Variants in PIEZO1 observed in about 807,000 individuals in gnomAD.
PIEZO1 encodes piezo type mechanosensitive ion channel component 1 (Er blood group).
A neutral mutation model predicts 297.2 loss-of-function variants in PIEZO1; 296 were observed. The observed-to-expected ratio is 1.00, with a 90% CI of 0.91 to 1.10. The LOEUF (loss-of-function observed/expected upper bound fraction) is 1.10. PIEZO1 is among the 50% of genes least tolerant of loss of function. The pLI, the probability that PIEZO1 is intolerant of heterozygous loss-of-function variation, is 0.00. For missense variants in PIEZO1, 5,018 were observed against 3,455.5 expected (o/e 1.45, Z -11.34); for synonymous variants, 2,427 against 1,507.5 (o/e 1.61, Z -14.13).
At chr16:88,771,403 C>T (rs1256185713) in intron 1 of PIEZO1, among the ~76,000 whole-genome samples, 2 of 152,194 alleles carry the variant, frequency 1.3e-5, no homozygotes, top group African/African-American at 2.4e-5. Flanking sequence ...GAAACCAGGC[C>T]AGGCGGGGCT....
intron 1 of PIEZO1, among the ~76,000 whole-genome samples, chr16:88,751,552 C>A (rs1423709706): frequency 1.3e-5 from 2 of 152,248 alleles, no homozygotes; most frequent in African/African-American, 4.8e-5. Flanking sequence ...GCAGCCTCCC[C>A]CAGCTCCCCC....
intron 22 of PIEZO1, among the ~76,000 whole-genome samples, chr16:88,728,538 G>A (rs1904617654): frequency 7.7e-6 from 1 of 129,740 alleles, no homozygotes; most frequent in Non-Finnish European, 1.6e-5. Flanking sequence ...TGCCACAGAG[G>A]GAACCTCGCG....
chr16:88,719,881 G>T lies in PIEZO1; in HGVS notation c.6244C>A (p.Arg2082Ser). The T allele has an allele frequency of 6.4e-7, 1 of 1,550,532 alleles. No homozygotes were observed. The highest frequency in any genetic ancestry group is 1.2e-5 in the South Asian group (1 of 84,066). Residue 2082 changes from arginine (R) to serine (S), a missense_variant, in exon 43 of 51, where the codon CGC (arginine) becomes AGC (serine). Transcript: ENST00000301015. ...IYFALSAYQIRCGYPTRILGN... is the reference protein window; with the variant it reads ...IYFALSAYQISCGYPTRILGN... Reference sequence around the variant, plus strand: ...AGGATGCGGGTGGGGTAGCCGCAGCGGATCTGGTAGGCGGACAGGGCGAAG... The same window carrying T: ...AGGATGCGGGTGGGGTAGCCGCAGCTGATCTGGTAGGCGGACAGGGCGAAG...
intron 1 of PIEZO1, among the ~76,000 whole-genome samples, chr16:88,754,665 G>A: frequency 6.6e-6 from 1 of 152,246 alleles, no homozygotes; most frequent in East Asian, 1.9e-4. Flanking sequence ...CTCCCTCCAG[G>A]AGCCACACAG....
Position 88,723,883 on chromosome 16 carries a change from CTG to C in PIEZO1, c.4321_4322del (p.Gln1441GlufsTer83). ...TCTCCCACCTCACCTGGAAGGCACT[CTG>C]TGCCGACGGCCTCGGGTCTTCAGGA... ...AVPEDPRPSAQSAFQLAYQAW... is the reference protein window; with the variant it reads ...AVPEDPRPSAXSAFQLAYQAW... On this transcript the variant is annotated frameshift_variant, in exon 31 of 51. Transcript: ENST00000301015. LOFTEE classifies it high-confidence loss of function. The C allele has an allele frequency of 6.5e-7, 1 of 1,537,818 alleles. No homozygotes were observed. The highest frequency in any genetic ancestry group is 8.8e-7 in the Non-Finnish European group (1 of 1,135,446).
intron 23 of PIEZO1, 143 bp from the exon 24 acceptor site, chr16:88,727,335 T>TGTCC (rs1904521354): frequency 3.0e-6 from 3 of 999,410 alleles, no homozygotes; most frequent in Non-Finnish European, 2.9e-6. Flanking sequence ...AGTGGCCGGG[T>TGTCC]GTCCCTGGGG....
Position 88,719,663 on chromosome 16 carries a change from C to A in PIEZO1, c.6382G>T (p.Asp2128Tyr). ...CAGCTGGACAGGGACAGCGTGGTGT[C>A]CGTCCACACCCAGTCCATCACTGCC... ...LRAVMDWVWT[D>Y]TTLSLSSWMC... The change falls in exon 44 of 51, where the codon GAC becomes TAC. Residue 2128 changes from aspartate (D) to tyrosine (Y), a missense_variant. Transcript: ENST00000301015. 1 of 1,553,876 alleles carries A rather than the reference C, an allele frequency of 6.4e-7. No individual in the cohort carries two copies. The highest frequency in any genetic ancestry group is 8.7e-7 in the Non-Finnish European group (1 of 1,148,920).
At chr16:88,783,472 C>G (rs1908027113) in intron 1 of PIEZO1, among the ~76,000 whole-genome samples, 1 of 152,236 alleles carries the variant, frequency 6.6e-6, no homozygotes, top group African/African-American at 2.4e-5. Flanking sequence ...ACACCCGCTC[C>G]CACTCAGACA....
chr16:88,720,265 C>T lies in PIEZO1; in HGVS notation c.5968G>A (p.Asp1990Asn), dbSNP rs1387123798. Residue 1990 changes from aspartate to asparagine, a missense_variant, in exon 42 of 51, where the codon GAC becomes AAC. Asp to Asn is a conservative substitution (Grantham distance 23). Coordinates refer to ENST00000301015, the MANE Select transcript of PIEZO1 (RefSeq NM_001142864.4). The stretch of plus-strand genomic sequence containing the variant: ...TCGTCTGATAGGGAGGACGTGATGT[C>T]TGTGGCCGCCGAGTGCTTCTGTGGC... ...WAFGKHSAAT[D>N]ITSSLSDDQV... 2 of 1,550,466 alleles carry T rather than the reference C, an allele frequency of 1.3e-6. No individual in the cohort carries two copies. The highest frequency in any genetic ancestry group is 2.4e-5 in the South Asian group (2 of 84,062).
At chr16:88,771,998 C>A (rs1305779771) in intron 1 of PIEZO1, among the ~76,000 whole-genome samples, 8 of 40,350 alleles carry the variant, frequency 2.0e-4, no homozygotes, top group African/African-American at 1.7e-3. Flanking sequence ...AGACTCTATG[C>A]CCATCCACCC....
chr16:88,767,591 G>A (rs562151527), intron 1 of PIEZO1, among the ~76,000 whole-genome samples: 22 of 152,092 alleles, frequency 1.4e-4, no homozygotes, highest in Non-Finnish European at 1.2e-4. Flanking sequence ...TCATACACTT[G>A]GCCACTGAGC....
chr16:88,716,531 C>T (rs889317135), intron 47 of PIEZO1, 28 bp downstream of exon 47: 5 of 1,536,770 alleles, frequency 3.3e-6, no homozygotes, highest in Non-Finnish European at 3.5e-6. Context: ...TCCACCCACC[C>T]AGGCACTGCC....
intron 50 of PIEZO1, 26 bp downstream of exon 50, chr16:88,715,907 G>A: frequency 6.5e-7 from 1 of 1,534,196 alleles, no homozygotes; most frequent in Non-Finnish European, 8.8e-7. Context: ...CCGAGCTGCG[G>A]GGTGCCCCCC....
rs748052580 is a variant in PIEZO1 at position 88,742,283 on chromosome 16, C to T, written c.283+17G>A. 2.6e-6 allele frequency: 4 copies of T among 1,527,570 alleles called. No homozygotes were observed. In the South Asian group the frequency reaches 4.8e-5, roughly 18 times the overall value. 94.6% of individuals were successfully genotyped at this position (1,527,570 alleles called of 1,614,324 possible). A position where few individuals can be genotyped will look rare whatever the true frequency, so the allele number is the denominator to read the frequency against. On this transcript the variant is annotated intron_variant, in intron 3 of 50. Transcript: ENST00000301015. ...CCCCAGGATGGCTATCCCTACCCCG[C>T]CCCCTCAGCGACTCACAGCTGGGTC... is the stretch of plus-strand genomic sequence containing the variant.
chr16:88,755,498 G>A (rs148032513), intron 1 of PIEZO1, among the ~76,000 whole-genome samples: 81 of 152,342 alleles, frequency 5.3e-4, no homozygotes, highest in African/African-American at 1.8e-3. Context: ...CCCAGGGCAC[G>A]ATACGAGCCC....
Position 88,733,648 on chromosome 16 carries a change from C to A in PIEZO1, c.2427G>T (p.Leu809=), listed in dbSNP as rs1329918591. The A allele has an allele frequency of 5.2e-6, 8 of 1,549,748 alleles. No homozygotes were observed. The highest frequency in any genetic ancestry group is 7.0e-6 in the Non-Finnish European group (8 of 1,146,540). The change falls in exon 18 of 51, where the codon CTG becomes CTT. Residue 809 remains leucine (L), a synonymous_variant. Coordinates refer to ENST00000301015, the MANE Select transcript of PIEZO1 (RefSeq NM_001142864.4). ...CCAGCTTGAAAACGTGAAGCTCCAG[C>A]AGCCGCCGCAGGAACACCTGCACGC... ...LSRVQVFLRR[L]LELHVFKLVA... is the part of the protein sequence containing the mutation.
At chr16:88,727,462 C>G (rs541820619) in intron 23 of PIEZO1, 95 bp downstream of exon 23, 25 of 644,434 alleles carry the variant, frequency 3.9e-5, no homozygotes, top group Non-Finnish European at 6.5e-5. Flanking sequence ...CACCTCCGCC[C>G]GTGCACGCCT....
At chr16:88,717,274 A>ATTCT (rs1357146769) in intron 44 of PIEZO1, 63 bp from the exon 45 acceptor site, 1 of 1,438,816 alleles carries the variant, frequency 7.0e-7, no homozygotes, top group African/African-American at 1.4e-5. Flanking sequence ...ACACAACCGC[A>ATTCT]TTCTCCAGCT....
chr16:88,767,972 G>A (rs915904296), intron 1 of PIEZO1, among the ~76,000 whole-genome samples: 7 of 152,094 alleles, frequency 4.6e-5, no homozygotes, highest in Admixed American at 1.3e-4. Flanking sequence ...CCCTCCCCCG[G>A]GTCCAGACCC....
Sources: gnomAD v4.1 joint callset for allele counts (sites outside exome capture counted in the v4.1 genomes callset) on GRCh38, gnomAD v4.1.1 for gene constraint, MANE v1.5 for transcripts, NCBI Gene and HGNC (gene_info 2026-07-23, HGNC 2026-07-21) for gene names.